The following NBEAL1 variants were observed in gnomAD, a reference collection of about 807,000 sequenced individuals.
NBEAL1 encodes the protein neurobeachin like 1.
Under a neutral mutation model 351.3 loss-of-function variants are expected in NBEAL1, and 273 were observed. That is an observed-to-expected ratio of 0.78 (90% CI 0.70 to 0.86). The LOEUF is 0.86. NBEAL1 is among the 40% of genes least tolerant of loss of function. The probability of loss-of-function intolerance (pLI) is 0.00; values close to 1 mark genes in which losing one functional copy is unlikely to be tolerated. For missense variants in NBEAL1, 2,961 were observed against 3,201.3 expected (o/e 0.92, Z 1.81); for synonymous variants, 1,050 against 1,086.4 (o/e 0.97, Z 0.66).
At chr2:203,105,404 T>G (rs1270419503) in intron 12 of NBEAL1, among the ~76,000 whole-genome samples, 1 of 151,528 alleles carries the variant, frequency 6.6e-6, no homozygotes, top group Non-Finnish European at 1.5e-5. Context: ...AGGTGGAGCT[T>G]GCAGGAGCTG....
chr2:203,066,366 AC>A (rs1420800571), intron 6 of NBEAL1, among the ~76,000 whole-genome samples: 5 of 148,430 alleles, frequency 3.4e-5, no homozygotes, highest in African/African-American at 1.3e-4. Context: ...TTGACACAGC[AC>A]ACGTTTCAGA....
intron 2 of NBEAL1, among the ~76,000 whole-genome samples, chr2:203,032,194 A>G (rs2060959888): frequency 6.6e-6 from 1 of 152,116 alleles, no homozygotes; most frequent in South Asian, 2.1e-4. Flanking sequence ...CTTAGTTGGC[A>G]TGTTCATTAT....
chr2:203,128,799 T>C (rs2063006675), intron 24 of NBEAL1, among the ~76,000 whole-genome samples: 1 of 152,054 alleles, frequency 6.6e-6, no homozygotes, highest in Admixed American at 6.5e-5. Context: ...GGTTTCACCA[T>C]GTTGGCCAGG....
At position 203,144,588 on chromosome 2, in the gene NBEAL1, G is replaced by C; in HGVS notation, c.4849-12G>C. ...TAGTCTGCTCTTTCTCATCTAAACT[G>C]TTTTCCTCCAGGTTTGTGCAATGGC... On this transcript the variant is annotated splice_polypyrimidine_tract_variant and intron_variant, in intron 31 of 55. Transcript: ENST00000683969. The C allele has an allele frequency of 6.3e-7, 1 of 1,598,160 alleles. No individual in the cohort carries two copies. The highest frequency in any genetic ancestry group is 1.1e-5 in the South Asian group (1 of 88,520).
intron 42 of NBEAL1, among the ~76,000 whole-genome samples, chr2:203,178,329 T>C (rs962559888): frequency 4.6e-5 from 7 of 151,996 alleles, no homozygotes; most frequent in Non-Finnish European, 1.0e-4. Context: ...CACACTCAAG[T>C]AACTTTTTTG....
chr2:203,113,125 A>G lies in NBEAL1; in HGVS notation c.2313A>G (p.Ser771=), dbSNP rs775983921. 22 of 1,553,166 alleles carry G rather than the reference A, an allele frequency of 1.4e-5. No individual in the cohort carries two copies. Among genetic ancestry groups the G allele is most frequent in the Non-Finnish European group, 1.7e-5 (20 of 1,147,388 alleles). The stretch of plus-strand genomic sequence containing the variant: ...CTCCCATTACCCCTCATCGGACATC[A>G]TTTGGTGGAATTCTGTCATCAGCCT... ...FSSPITPHRT[S]FGGILSSASW... The change falls in exon 17 of 56, where the codon TCA becomes TCG. Residue 771 remains serine, a synonymous_variant. Coordinates refer to ENST00000683969, the MANE Select transcript of NBEAL1 (RefSeq NM_001378026.1).
At chr2:203,190,707 T>G in intron 46 of NBEAL1, 1 of 1,568,844 alleles carries the variant, frequency 6.4e-7, no homozygotes, top group Non-Finnish European at 8.6e-7. Flanking sequence ...GGCTTTCGGC[T>G]CGGAGGAGGC....
intron 7 of NBEAL1, among the ~76,000 whole-genome samples, chr2:203,075,385 A>G (rs945768375): frequency 6.6e-6 from 1 of 152,150 alleles, no homozygotes; most frequent in Non-Finnish European, 1.5e-5. Context: ...GAGAGTTTGC[A>G]TGGTATATGT....
chr2:203,208,090 TG>T (rs931492439), intron 51 of NBEAL1, among the ~76,000 whole-genome samples: 1 of 152,108 alleles, frequency 6.6e-6, no homozygotes, highest in Non-Finnish European at 1.5e-5. Context: ...AAGACCAGCC[TG>T]GGCAACATGG....
intron 3 of NBEAL1, among the ~76,000 whole-genome samples, chr2:203,044,810 G>A (rs551229513): frequency 6.6e-6 from 1 of 152,274 alleles, no homozygotes; most frequent in African/African-American, 2.4e-5. Flanking sequence ...AATTCATAAT[G>A]TAAAGCAGAG....
intron 18 of NBEAL1, among the ~76,000 whole-genome samples, chr2:203,117,618 T>G (rs1321124205): frequency 6.6e-6 from 1 of 152,214 alleles, no homozygotes; most frequent in Admixed American, 6.5e-5. Flanking sequence ...TCCTCAGTCC[T>G]TGCTGACCTC....
chr2:203,101,257 G>A (rs2062313329), intron 12 of NBEAL1, among the ~76,000 whole-genome samples: 1 of 152,134 alleles, frequency 6.6e-6, no homozygotes, highest in Admixed American at 6.5e-5. Flanking sequence ...TTGAAAAGGA[G>A]CCCTTTCCCA....
intron 7 of NBEAL1, among the ~76,000 whole-genome samples, chr2:203,074,173 A>G (rs1228575855): frequency 2.0e-5 from 3 of 152,222 alleles, no homozygotes; most frequent in African/African-American, 4.8e-5. Context: ...CAGTGTATAC[A>G]TATTTCAAAA....
intron 31 of NBEAL1, among the ~76,000 whole-genome samples, chr2:203,143,494 A>G (rs912436776): frequency 4.1e-5 from 6 of 145,182 alleles, no homozygotes; most frequent in Admixed American, 2.0e-4. Context: ...AGTTAAGGTG[A>G]GTTTAAGCAG....
At chr2:203,113,380 T>C (rs2062616141) in intron 17 of NBEAL1, 62 bp downstream of exon 17, 7 of 859,728 alleles carry the variant, frequency 8.1e-6, no homozygotes, top group Non-Finnish European at 9.6e-6. Context: ...TCTAAATATA[T>C]TCTGAAGAAT....
rs1444223354 is a variant in NBEAL1, at chr2:203,222,086, G to T, written c.*4732G>T. ...GCCTGTAGTCCTAGCTGCTCGGGAG[G>T]CTGAGGCAAGGGGTTTGCTTGAGCC... On this transcript the variant is annotated 3_prime_UTR_variant, in exon 56 of 56. Transcript: ENST00000683969. 5.9e-5 allele frequency among the ~76,000 whole-genome samples: 9 copies of T among 152,194 alleles called. 1 individual carries two copies. Among genetic ancestry groups the T allele is most frequent in the Non-Finnish European group, 1.3e-4 (9 of 68,038 alleles).
intron 29 of NBEAL1, among the ~76,000 whole-genome samples, chr2:203,137,353 C>T (rs931250023): frequency 4.6e-5 from 7 of 151,856 alleles, no homozygotes; most frequent in Non-Finnish European, 1.0e-4. Flanking sequence ...TATGTGTGGC[C>T]CAAGACAGTC....
intron 45 of NBEAL1, 84 bp from the exon 46 acceptor site, chr2:203,190,208 A>ACACC (rs1390509477): frequency 7.1e-6 from 5 of 708,882 alleles, no homozygotes; most frequent in African/African-American, 5.7e-5. Context: ...ACACACACAC[A>ACACC]CCAATGAGCC....
Position 203,210,991 on chromosome 2 carries a change from G to T in NBEAL1, c.7819G>T (p.Gly2607Cys). ...TGCATTACATCTGTTTTCTATAAAT[G>T]GCAAGTATCTAGGGTCTCAAATCCT... Reference protein sequence around the residue: ...KNALHLFSINGKYLGSQILKE... With the variant: ...KNALHLFSINCKYLGSQILKE... Residue 2607 changes from glycine to cysteine, a missense_variant, in exon 54 of 56, where the codon GGC becomes TGC. Physicochemically the swap from Gly to Cys is radical, Grantham distance 159 (BLOSUM62 -3). Coordinates refer to ENST00000683969, the MANE Select transcript of NBEAL1 (RefSeq NM_001378026.1). 6.3e-7 allele frequency: 1 copy of T among 1,591,926 alleles called. No homozygotes were observed. Among genetic ancestry groups the T allele is most frequent in the Non-Finnish European group, 8.6e-7 (1 of 1,168,036 alleles).
Sources: gnomAD v4.1 joint callset for allele counts (sites outside exome capture counted in the v4.1 genomes callset) on GRCh38, gnomAD v4.1.1 for gene constraint, MANE v1.5 for transcripts, NCBI Gene and HGNC (gene_info 2026-07-23, HGNC 2026-07-21) for gene names.